PLB1: variants seen among roughly 807,000 people sequenced by gnomAD.
PLB1 encodes phospholipase B1, also known as phospholipase B1, membrane-associated.
Under a neutral mutation model 227.4 loss-of-function variants are expected in PLB1, and 242 were observed. That is an observed-to-expected ratio of 1.06 (90% CI 0.96 to 1.18). The LOEUF is 1.18. Among genes scored for constraint, PLB1 ranks in the 50% most tolerant of loss-of-function variants. The pLI is 0.00. For missense variants in PLB1, 1,858 were observed against 1,816.3 expected (o/e 1.02, Z -0.42); for synonymous variants, 757 against 682.2 (o/e 1.11, Z -1.71).
chr2:28,535,830 A>G (rs1461274052), intron 9 of PLB1, among the ~76,000 whole-genome samples: 2 of 152,188 alleles, frequency 1.3e-5, no homozygotes, highest in African/African-American at 4.8e-5. Flanking sequence ...CTGAGGCAAC[A>G]GAATCACTAA....
At chr2:28,563,210 C>A in intron 18 of PLB1, 111 bp downstream of exon 18, 1 of 1,060,436 alleles carries the variant, frequency 9.4e-7, no homozygotes, top group Non-Finnish European at 1.4e-6. Flanking sequence ...TTAGATGCTA[C>A]CATCTCGGGT....
At chr2:28,600,247 C>T (rs1286512699) in intron 35 of PLB1, among the ~76,000 whole-genome samples, 1 of 152,158 alleles carries the variant, frequency 6.6e-6, no homozygotes, top group African/African-American at 2.4e-5. Context: ...GTGTAGAGCA[C>T]ATATGATTCC....
chr2:28,598,174 G>A, intron 34 of PLB1, 126 bp downstream of exon 34: 1 of 783,102 alleles, frequency 1.3e-6, no homozygotes, highest in Admixed American at 2.9e-5. Flanking sequence ...TTAAGTAGGA[G>A]ACAGGAGGCT....
chr2:28,599,688 C>T (rs535154881), intron 35 of PLB1, among the ~76,000 whole-genome samples: 100 of 152,346 alleles, frequency 6.6e-4, no homozygotes, highest in African/African-American at 2.3e-3. Flanking sequence ...ACAATCTCTG[C>T]TCACGGTAAC....
At chr2:28,519,637 C>G in intron 3 of PLB1, 68 bp from the exon 4 acceptor site, 1 of 1,207,448 alleles carries the variant, frequency 8.3e-7, no homozygotes, top group Middle Eastern at 1.9e-4. Flanking sequence ...CTCTCCCATA[C>G]GGTATCCTTG....
chr2:28,630,728 G>A, intron 54 of PLB1, 64 bp downstream of exon 54: 1 of 1,356,366 alleles, frequency 7.4e-7, no homozygotes, highest in Non-Finnish European at 1.0e-6. Context: ...CAAGGACTGG[G>A]AAATCGAATG....
Position 28,628,511 on chromosome 2 carries a change from T to C in PLB1, c.3661-52T>C, listed in dbSNP as rs1688125230. ...CAGAGCCCTCCTATGCTCTTGCCAT[T>C]CTCTCAGAGCGGGCACCAGGGGCTA... is the stretch of plus-strand genomic sequence containing the variant. On this transcript the variant is annotated intron_variant, in intron 51 of 57. Coordinates refer to ENST00000327757, the MANE Select transcript of PLB1 (RefSeq NM_153021.5). 3 of 1,540,738 alleles carry C rather than the reference T, an allele frequency of 1.9e-6. No homozygotes were observed. The Admixed American group carries it at 5.0e-5, about 26-fold the overall frequency.
intron 17 of PLB1, among the ~76,000 whole-genome samples, chr2:28,562,399 A>G (rs565087641): frequency 8.6e-5 from 13 of 151,788 alleles, no homozygotes; most frequent in Admixed American, 7.9e-4. Flanking sequence ...AAAATTAGCC[A>G]GGTGTGGTGA....
At chr2:28,578,922 G>A (rs1195292115) in intron 22 of PLB1, among the ~76,000 whole-genome samples, 1 of 120,028 alleles carries the variant, frequency 8.3e-6, no homozygotes, top group East Asian at 2.4e-4. Context: ...AGCTATGTAG[G>A]CCTGGGGCAA....
rs193921064 is a variant in PLB1 at position 28,614,103 on chromosome 2, C to A, written c.3195+7C>A. Reference sequence around the variant, plus strand: ...CATCAAGCCAGCCATTGAGGTAACCCCTGACTCACATCTGCCTCTCTCAGA... The same window carrying A: ...CATCAAGCCAGCCATTGAGGTAACCACTGACTCACATCTGCCTCTCTCAGA... On this transcript the variant is annotated splice_region_variant and intron_variant, in intron 44 of 57. Transcript: ENST00000327757. The A allele has an allele frequency of 1.7e-5, 28 of 1,607,688 alleles. No individual in the cohort carries two copies. In the Middle Eastern group the frequency reaches 5.0e-4, roughly 28 times the overall value.
Position 28,643,844 on chromosome 2 carries a change from C to T in PLB1, c.*783C>T, listed in dbSNP as rs1420153517. On this transcript the variant is annotated 3_prime_UTR_variant, in exon 58 of 58. Coordinates refer to ENST00000327757, the MANE Select transcript of PLB1 (RefSeq NM_153021.5). ...AAGGTGCTAAATTTAGGAAAAAATTCCTATTTCTATATGCCCAGGTTTCTG... is the reference window on the plus strand; with the variant it reads ...AAGGTGCTAAATTTAGGAAAAAATTTCTATTTCTATATGCCCAGGTTTCTG... The T allele has an allele frequency of 1.3e-5, 2 of 152,320 alleles. No individual in the cohort carries two copies. The highest frequency in any genetic ancestry group is 3.9e-4 in the East Asian group (2 of 5,192). 9.4% of individuals were successfully genotyped at this position (152,320 alleles called of 1,614,324 possible). A position where few individuals can be genotyped will look rare whatever the true frequency, so the allele number is the denominator to read the frequency against.
intron 35 of PLB1, among the ~76,000 whole-genome samples, chr2:28,600,159 C>G (rs1482273805): frequency 1.3e-5 from 2 of 152,198 alleles, no homozygotes; most frequent in African/African-American, 4.8e-5. Flanking sequence ...ATCCACCCAC[C>G]TCAGCCTCCC....
At chr2:28,497,826 C>A (rs1225903597) in intron 1 of PLB1, among the ~76,000 whole-genome samples, 1 of 151,918 alleles carries the variant, frequency 6.6e-6, no homozygotes, top group Non-Finnish European at 1.5e-5. Flanking sequence ...TCAAGCAATT[C>A]CCCTGCCTCA....
chr2:28,562,835 A>AG, intron 17 of PLB1, among the ~76,000 whole-genome samples: 1 of 152,096 alleles, frequency 6.6e-6, no homozygotes, highest in East Asian at 1.9e-4. Context: ...TGCCCCAGAG[A>AG]GGAAGCCAGC....
intron 26 of PLB1, among the ~76,000 whole-genome samples, chr2:28,586,636 T>A (rs971564971): frequency 6.6e-6 from 1 of 152,220 alleles, no homozygotes; most frequent in Admixed American, 6.5e-5. Context: ...ACCTGCCAGG[T>A]ATGTCAGGGC....
At chr2:28,632,269 C>T (rs1688739690) in intron 55 of PLB1, 129 bp downstream of exon 55, 2 of 721,110 alleles carry the variant, frequency 2.8e-6, no homozygotes, top group African/African-American at 3.6e-5. Flanking sequence ...CTGAGGGTGG[C>T]TTTTTCCACA....
intron 20 of PLB1, among the ~76,000 whole-genome samples, chr2:28,569,838 C>A (rs772544858): frequency 6.6e-6 from 1 of 151,508 alleles, no homozygotes; most frequent in Non-Finnish European, 1.5e-5. Flanking sequence ...TGGTGGTGGG[C>A]GCCTGTAGTC....
chr2:28,523,091 A>G (rs1407676928), intron 4 of PLB1, among the ~76,000 whole-genome samples: 4 of 152,196 alleles, frequency 2.6e-5, no homozygotes, highest in Admixed American at 6.5e-5. Flanking sequence ...TTCAAAAATC[A>G]GTTATGTAAA....
At chr2:28,602,047 AC>A (rs897474590) in intron 38 of PLB1, 83 bp downstream of exon 38, 6 of 1,299,486 alleles carry the variant, frequency 4.6e-6, no homozygotes, top group African/African-American at 2.9e-5. Context: ...TGAGAGAAGA[AC>A]CCCTTTCTCT....
Sources: allele counts gnomAD v4.1 joint callset (sites outside exome capture counted in the v4.1 genomes callset), GRCh38; gene constraint gnomAD v4.1.1; transcripts MANE v1.5; gene names NCBI Gene and HGNC (gene_info 2026-07-23, HGNC 2026-07-21).